Variants in COL5A2 observed in about 807,000 individuals in gnomAD.
COL5A2 encodes collagen alpha-2(V) chain.
A neutral mutation model predicts 208.2 loss-of-function variants in COL5A2; 23 were observed. That is an observed-to-expected ratio of 0.11 (90% CI 0.08 to 0.16). COL5A2 has a LOEUF of 0.16. Ranked by LOEUF, COL5A2 falls within the 10% of genes least tolerant of loss-of-function variation. The pLI, the probability that COL5A2 is intolerant of heterozygous loss-of-function variation, is 1.00. For missense variants in COL5A2, 1,590 were observed against 1,956.4 expected (o/e 0.81, Z 3.53); for synonymous variants, 625 against 628.5 (o/e 0.99, Z 0.08).
the COL5A2 span, among the ~76,000 whole-genome samples, chr2:189,322,177 A>G: frequency 6.6e-6 from 1 of 152,262 alleles, no homozygotes; most frequent in African/African-American, 2.4e-5. Flanking sequence ...CATTTAAAGC[A>G]GTGTGTAGAG....
At chr2:189,298,460 G>C in the COL5A2 span, among the ~76,000 whole-genome samples, 13 of 151,940 alleles carry the variant, frequency 8.6e-5, no homozygotes, top group Non-Finnish European at 2.9e-5. Flanking sequence ...TTCCTGCTGG[G>C]GTCCCCCTGA....
Position 189,088,681 on chromosome 2 carries a change from A to C in COL5A2, c.645+14T>G, listed in dbSNP as rs1465121471. 1.2e-6 allele frequency: 2 copies of C among 1,607,130 alleles called. No homozygotes were observed. Among genetic ancestry groups the C allele is most frequent in the South Asian group, 1.1e-5 (1 of 90,932 alleles). On this transcript the variant is annotated intron_variant, in intron 8 of 53. Coordinates refer to ENST00000374866, the MANE Select transcript of COL5A2 (RefSeq NM_000393.5). Reference sequence around the variant, plus strand: ...CACTGAAGTACTTCAATGATCAGTAAAATTTATGCTTACCACAGAGCCAGG... The same window carrying C: ...CACTGAAGTACTTCAATGATCAGTACAATTTATGCTTACCACAGAGCCAGG...
chr2:189,368,183 T>A, the COL5A2 span, among the ~76,000 whole-genome samples: 1 of 152,184 alleles, frequency 6.6e-6, no homozygotes, highest in Non-Finnish European at 1.5e-5. Context: ...TTATTTGACA[T>A]CAAAACAGAA....
chr2:189,320,753 T>C, the COL5A2 span, among the ~76,000 whole-genome samples: 1 of 152,182 alleles, frequency 6.6e-6, no homozygotes, highest in Non-Finnish European at 1.5e-5. Context: ...CAGGTTATTA[T>C]CCAGGAGAAC....
At chr2:189,433,919 T>G in the COL5A2 span, among the ~76,000 whole-genome samples, 2 of 152,174 alleles carry the variant, frequency 1.3e-5, no homozygotes, top group African/African-American at 4.8e-5. Context: ...TGAACATCGA[T>G]GCAAAAATCC....
chr2:189,197,120 A>G (rs1689012013), intron 1 of COL5A2, among the ~76,000 whole-genome samples: 1 of 152,216 alleles, frequency 6.6e-6, no homozygotes, highest in African/African-American at 2.4e-5. Flanking sequence ...AAGGAATGAG[A>G]TCATGTCCTT....
At chr2:189,404,668 T>C in the COL5A2 span, among the ~76,000 whole-genome samples, 1 of 152,210 alleles carries the variant, frequency 6.6e-6, no homozygotes, top group African/African-American at 2.4e-5. Context: ...ATATATCCTA[T>C]TGGTTCTGTT....
chr2:189,420,209 T>C, the COL5A2 span, among the ~76,000 whole-genome samples: 1 of 152,212 alleles, frequency 6.6e-6, no homozygotes, highest in East Asian at 1.9e-4. Context: ...GCATCCATTC[T>C]GCATGTTGAG....
At chr2:189,140,654 T>C (rs1305690535) in intron 1 of COL5A2, among the ~76,000 whole-genome samples, 1 of 152,170 alleles carries the variant, frequency 6.6e-6, no homozygotes, top group Non-Finnish European at 1.5e-5. Flanking sequence ...ATTTCCCTTT[T>C]AGGTTATTAT....
chr2:189,218,777 G>A (rs1689310331), intron 1 of COL5A2, among the ~76,000 whole-genome samples: 1 of 152,008 alleles, frequency 6.6e-6, no homozygotes, highest in South Asian at 2.1e-4. Flanking sequence ...TTGACGCCTA[G>A]TCAAAATGGA....
At chr2:189,097,247 T>C (rs934471547) in intron 6 of COL5A2, 30 bp downstream of exon 6, 7 of 1,611,304 alleles carry the variant, frequency 4.3e-6, no homozygotes, top group Non-Finnish European at 5.9e-6. Context: ...GGCTGTACGT[T>C]CCCCACAAGG....
chr2:189,081,111 A>G lies in COL5A2; in HGVS notation c.853-68T>C, dbSNP rs570342306. ...AGGATGCAAAATTCCTTAATATATC[A>G]TTTTTTCCCAAAAAATAGCTAGTAC... On this transcript the variant is annotated intron_variant, in intron 12 of 53. Coordinates refer to ENST00000374866, the MANE Select transcript of COL5A2 (RefSeq NM_000393.5). The G allele has an allele frequency of 4.1e-5, 54 of 1,314,700 alleles. No individual in the cohort carries two copies. The African/African-American group carries it at 7.5e-4, about 18-fold the overall frequency. 81.4% of individuals were successfully genotyped at this position (1,314,700 alleles called of 1,614,324 possible).
At chr2:189,428,628 T>C in the COL5A2 span, among the ~76,000 whole-genome samples, 2 of 147,928 alleles carry the variant, frequency 1.4e-5, no homozygotes, top group African/African-American at 5.3e-5. Context: ...AAAAAAAAAA[T>C]AAAAAAGTAT....
Position 189,045,226 on chromosome 2 carries a change from G to A in COL5A2, c.3316C>T (p.Arg1106Trp), listed in dbSNP as rs146789395. The A allele has an allele frequency of 2.4e-4, 391 of 1,605,576 alleles. 1 individual carries two copies. The African/African-American group carries it at 3.6e-3, about 15-fold the overall frequency. ...DAGQRGDPGS[R>W]GPIGPPGRAG... is the part of the protein sequence containing the mutation. ...CGACCAGGTGGTCCTATAGGACCCC[G>A]AGAACCCTAAAAGAAATTTACAACA... The change falls in exon 47 of 54, where the codon CGG becomes TGG. Residue 1106 changes from arginine (R) to tryptophan (W), a missense_variant. Arg to Trp is a moderately radical substitution (Grantham distance 101). Transcript: ENST00000374866.
the COL5A2 span, among the ~76,000 whole-genome samples, chr2:189,384,802 T>A: frequency 6.6e-6 from 1 of 152,156 alleles, no homozygotes; most frequent in East Asian, 1.9e-4. Flanking sequence ...TTTTGAGGTC[T>A]TACTCAAGAA....
the COL5A2 span, among the ~76,000 whole-genome samples, chr2:189,289,232 C>G: frequency 2.0e-5 from 3 of 151,536 alleles, no homozygotes; most frequent in Non-Finnish European, 4.4e-5. Flanking sequence ...ATCCCAGCTA[C>G]TCAGGAGGCT....
chr2:189,406,344 A>G, the COL5A2 span, among the ~76,000 whole-genome samples: 1 of 152,280 alleles, frequency 6.6e-6, no homozygotes, highest in East Asian at 1.9e-4. Flanking sequence ...GAAGTGGTAG[A>G]CTCCATCTTT....
At chr2:189,248,127 G>A in the COL5A2 span, among the ~76,000 whole-genome samples, 1 of 152,160 alleles carries the variant, frequency 6.6e-6, no homozygotes, top group Admixed American at 6.5e-5. Context: ...AAAAGGGAAG[G>A]TAAGTATTCA....
At chr2:189,038,791 G>C (rs1559073241) in intron 51 of COL5A2, among the ~76,000 whole-genome samples, 3 of 152,118 alleles carry the variant, frequency 2.0e-5, no homozygotes, top group Admixed American at 1.3e-4. Flanking sequence ...CTGGGTTCAT[G>C]CCACTCTCCT....
Sources: allele counts gnomAD v4.1 joint callset (sites outside exome capture counted in the v4.1 genomes callset), GRCh38; gene constraint gnomAD v4.1.1; transcripts MANE v1.5; gene names NCBI Gene and HGNC (gene_info 2026-07-23, HGNC 2026-07-21).